The following VAT1L variants were observed in gnomAD, a reference collection of about 807,000 sequenced individuals.
VAT1L encodes putative NADPH-dependent quinone oxidoreductase VAT1L.
Under a neutral mutation model 44.1 loss-of-function variants are expected in VAT1L, and 34 were observed. That is an observed-to-expected ratio of 0.77 (90% CI 0.59 to 1.03). The LOEUF is 1.03. Among genes scored for constraint, VAT1L ranks in the 50% least tolerant of loss-of-function variants. The pLI is 0.00. For missense variants in VAT1L, 615 were observed against 538.8 expected, an observed-to-expected ratio of 1.14 and a Z score of -1.40; for synonymous variants, 253 against 202.2, an observed-to-expected ratio of 1.25 and a Z score of -2.13.
At chr16:77,924,110 C>A (rs2017641288) in intron 7 of VAT1L, among the ~76,000 whole-genome samples, 2 of 152,206 alleles carry the variant, frequency 1.3e-5, no homozygotes, top group African/African-American at 4.8e-5. Context: ...GTACATAATA[C>A]AGATGTCAGC....
intron 7 of VAT1L, among the ~76,000 whole-genome samples, chr16:77,948,322 A>G (rs2017996019): frequency 6.6e-6 from 1 of 152,200 alleles, no homozygotes; most frequent in African/African-American, 2.4e-5. Flanking sequence ...TTGAAAGGGT[A>G]CACTTGTCTA....
chr16:77,928,755 GA>G (rs2017696318), intron 7 of VAT1L, among the ~76,000 whole-genome samples: 1 of 9,314 alleles, frequency 1.1e-4, no homozygotes, highest in Non-Finnish European at 3.9e-4. Context: ...AGGAGAGTAA[GA>G]ATTTTTTTTT....
chr16:77,835,091 G>T (rs2016624756), intron 3 of VAT1L, among the ~76,000 whole-genome samples: 1 of 152,050 alleles, frequency 6.6e-6, no homozygotes, highest in Non-Finnish European at 1.5e-5. Flanking sequence ...CTCCATCAAA[G>T]CAACTGGTTC....
chr16:77,818,194 G>C (rs2016388351), intron 2 of VAT1L, among the ~76,000 whole-genome samples: 1 of 152,120 alleles, frequency 6.6e-6, no homozygotes, highest in African/African-American at 2.4e-5. Flanking sequence ...AAAATGCAGT[G>C]CCAAAATGCC....
chr16:77,949,030 A>G (rs1011078927), intron 7 of VAT1L, among the ~76,000 whole-genome samples: 2 of 152,222 alleles, frequency 1.3e-5, no homozygotes, highest in Admixed American at 6.5e-5. Flanking sequence ...AAGACATAAG[A>G]TCTATCAGTA....
chr16:77,789,696 G>T (rs531825496), intron 1 of VAT1L, among the ~76,000 whole-genome samples: 6 of 152,218 alleles, frequency 3.9e-5, no homozygotes, highest in East Asian at 1.9e-4. Flanking sequence ...TCCGAGAGGG[G>T]AAAAAACCCT....
intron 7 of VAT1L, among the ~76,000 whole-genome samples, chr16:77,929,868 T>G (rs1003055068): frequency 1.3e-5 from 2 of 152,250 alleles, no homozygotes; most frequent in African/African-American, 4.8e-5. Flanking sequence ...TGGCTGGGTG[T>G]GTAATCCCAG....
intron 2 of VAT1L, among the ~76,000 whole-genome samples, chr16:77,824,673 G>A (rs1002301171): frequency 2.7e-5 from 4 of 149,746 alleles, no homozygotes; most frequent in Admixed American, 6.6e-5. Flanking sequence ...GGAGAATAGC[G>A]TGAACCCAGG....
chr16:77,884,712 C>A lies in VAT1L; in HGVS notation c.987C>A (p.Gly329=). The stretch of plus-strand genomic sequence containing the variant: ...TGCTCTTCAAACAAGGCCGGGCGGG[C>A]CTCATTCGGGGAGTGGTGGAAAAAC... ...LNLLFKQGRA[G]LIRGVVEKLI... Residue 329 remains glycine, a synonymous_variant, in exon 7 of 9, where the codon GGC becomes GGA. Coordinates refer to ENST00000302536, the MANE Select transcript of VAT1L (RefSeq NM_020927.3). The surrounding 1 kb of genome is among the most constrained non-coding windows in gnomAD (Gnocchi z 4.5). 2 of 1,609,678 alleles carry A rather than the reference C, an allele frequency of 1.2e-6. No individual in the cohort carries two copies. The highest frequency in any genetic ancestry group is 2.2e-5 in the East Asian group (1 of 44,720).
At chr16:77,919,873 C>T (rs897199413) in intron 7 of VAT1L, among the ~76,000 whole-genome samples, 2 of 152,082 alleles carry the variant, frequency 1.3e-5, no homozygotes, top group East Asian at 1.9e-4. Flanking sequence ...AGATCACTTG[C>T]GGTCAGGAGT....
chr16:77,821,417 C>T (rs1253404519), intron 2 of VAT1L, among the ~76,000 whole-genome samples: 1 of 151,882 alleles, frequency 6.6e-6, no homozygotes, highest in Non-Finnish European at 1.5e-5. Context: ...TCTCCTGCCT[C>T]AGCCTCCCAA....
At chr16:77,961,251 C>T (rs571233686) in intron 7 of VAT1L, among the ~76,000 whole-genome samples, 13 of 152,158 alleles carry the variant, frequency 8.5e-5, no homozygotes, top group African/African-American at 2.2e-4. Context: ...CAGGCTGTCA[C>T]CAAGGGGGCT....
intron 7 of VAT1L, among the ~76,000 whole-genome samples, chr16:77,941,305 G>C (rs1053471137): frequency 6.6e-6 from 1 of 152,102 alleles, no homozygotes; most frequent in African/African-American, 2.4e-5. Context: ...TCTACCTTTA[G>C]AATCTCCTGC....
At chr16:77,889,257 G>A (rs2017239332) in intron 7 of VAT1L, among the ~76,000 whole-genome samples, 1 of 152,114 alleles carries the variant, frequency 6.6e-6, no homozygotes, top group Non-Finnish European at 1.5e-5. Context: ...TATCAGAGAC[G>A]ATTAAAGTTT....
At chr16:77,962,739 A>AGAAAGAAGGAAGGAAG (rs1555523117) in intron 7 of VAT1L, among the ~76,000 whole-genome samples, 15 of 129,328 alleles carry the variant, frequency 1.2e-4, no homozygotes, top group African/African-American at 4.4e-4. Context: ...AAAGAAGGAA[A>AGAAAGAAGGAAGGAAG]GAAGGAAGGA....
At chr16:77,850,781 T>G (rs2016801306) in intron 3 of VAT1L, among the ~76,000 whole-genome samples, 1 of 152,106 alleles carries the variant, frequency 6.6e-6, no homozygotes, top group South Asian at 2.1e-4. Context: ...ATCCAGGAAA[T>G]GTATCCAAAT....
chr16:77,927,725 C>T (rs1273622920), intron 7 of VAT1L, among the ~76,000 whole-genome samples: 4 of 151,942 alleles, frequency 2.6e-5, no homozygotes, highest in East Asian at 1.9e-4. Flanking sequence ...AAAAATTAGC[C>T]GGGTGTGGTG....
chr16:77,952,437 G>A (rs2018055007), intron 7 of VAT1L, among the ~76,000 whole-genome samples: 1 of 151,942 alleles, frequency 6.6e-6, no homozygotes, highest in Non-Finnish European at 1.5e-5. Context: ...AAATTGTGGG[G>A]CCCCTCCTCC....
intron 1 of VAT1L, among the ~76,000 whole-genome samples, chr16:77,810,169 T>G (rs1665318984): frequency 6.6e-6 from 1 of 152,212 alleles, no homozygotes; most frequent in South Asian, 2.1e-4. Context: ...TTTAACCATT[T>G]AATTTGTACT....
Sources: allele counts gnomAD v4.1 joint callset (sites outside exome capture counted in the v4.1 genomes callset), GRCh38; gene constraint gnomAD v4.1.1; non-coding constraint Gnocchi (gnomAD v3.1); transcripts MANE v1.5; gene names NCBI Gene and HGNC (gene_info 2026-07-23, HGNC 2026-07-21).